Variants in TPST2 observed in about 807,000 individuals in gnomAD.
TPST2 encodes the protein tyrosylprotein sulfotransferase 2, also known as protein-tyrosine sulfotransferase 2.
In TPST2, 16 loss-of-function variants were observed where a neutral mutation model predicts 27.8. That is an observed-to-expected ratio of 0.58 (90% CI 0.39 to 0.88). TPST2 has a LOEUF of 0.88. Among genes scored for constraint, TPST2 ranks in the 40% least tolerant of loss-of-function variants. The probability of loss-of-function intolerance (pLI) is 0.00; values close to 1 mark genes in which losing one functional copy is unlikely to be tolerated. For missense variants in TPST2, 464 were observed against 543.1 expected (o/e 0.85, Z 1.45); for synonymous variants, 229 against 231.7 (o/e 0.99, Z 0.10).
At chr22:26,526,554 C>T (rs1284731350) in intron 6 of TPST2, among the ~76,000 whole-genome samples, 1 of 152,166 alleles carries the variant, frequency 6.6e-6, no homozygotes, top group African/African-American at 2.4e-5. Flanking sequence ...TTCTTGGAGG[C>T]AAGAGAAGGA....
At chr22:26,576,764 A>C (rs981692699) in intron 1 of TPST2, among the ~76,000 whole-genome samples, 11 of 152,012 alleles carry the variant, frequency 7.2e-5, no homozygotes, top group Admixed American at 3.9e-4. Context: ...TGAGACAAGG[A>C]GTTCAAGACC....
chr22:26,560,840 C>T (rs1602286267), intron 1 of TPST2: 18 of 1,576,012 alleles, frequency 1.1e-5, no homozygotes, highest in Non-Finnish European at 1.6e-5. Context: ...TCTTCCTGTT[C>T]TGCTCTGCGT....
In TPST2 at chr22:26,541,664, G is replaced by A; in HGVS notation, c.-34C>T. ...GGAGGCAGGGTAGGCCTGGCCTGAG[G>A]GCCCGCTTCTGGGGCTTCAGCGACA... is the stretch of plus-strand genomic sequence containing the variant. On this transcript the variant is annotated 5_prime_UTR_variant, in exon 3 of 7. Transcript: ENST00000338754. The surrounding 1 kb of genome is among the most constrained non-coding windows in gnomAD (Gnocchi z 5.9). 1.3e-6 allele frequency: 2 copies of A among 1,524,338 alleles called. No individual in the cohort carries two copies. Among genetic ancestry groups the A allele is most frequent in the East Asian group, 2.4e-5 (1 of 41,280 alleles). The allele number at this position is 1,524,338 out of a possible 1,614,324, so 94.4% of individuals were successfully genotyped here.
chr22:26,573,858 G>A (rs1927728120), intron 1 of TPST2, among the ~76,000 whole-genome samples: 1 of 152,194 alleles, frequency 6.6e-6, no homozygotes, highest in Non-Finnish European at 1.5e-5. Context: ...GCATTCACCT[G>A]CTCCTCTGTT....
At chr22:26,560,266 A>G (rs934820567) in intron 1 of TPST2, among the ~76,000 whole-genome samples, 3 of 152,166 alleles carry the variant, frequency 2.0e-5, no homozygotes, top group Non-Finnish European at 2.9e-5. Flanking sequence ...TCTCCTGGTT[A>G]AAGTGTGGCT....
At chr22:26,571,714 T>G (rs1257334287) in intron 1 of TPST2, among the ~76,000 whole-genome samples, 1 of 152,168 alleles carries the variant, frequency 6.6e-6, no homozygotes, top group African/African-American at 2.4e-5. Context: ...ACAATCAACC[T>G]AAACTCCTAA....
chr22:26,580,148 G>A (rs1375549487), intron 1 of TPST2, among the ~76,000 whole-genome samples: 4 of 152,104 alleles, frequency 2.6e-5, no homozygotes, highest in Non-Finnish European at 4.4e-5. Flanking sequence ...AGAGGCTGAG[G>A]CAGGAGAATT....
chr22:26,532,775 T>C, intron 4 of TPST2, 30 bp from the exon 5 acceptor site: 2 of 1,606,674 alleles, frequency 1.2e-6, no homozygotes, highest in Non-Finnish European at 1.7e-6. Context: ...ATATCACTAT[T>C]ATGAAAATGG....
rs1924801841 is a variant in TPST2, at chr22:26,525,876, G to GATTCTTTAAATGAATTCTTTAAAATGA, written c.*398_*399insTCATTTTAAAGAATTCATTTAAAGAAT. 1 of 152,314 alleles carries GATTCTTTAAATGAATTCTTTAAAATGA rather than the reference G, an allele frequency of 6.6e-6. No individual in the cohort carries two copies. The highest frequency in any genetic ancestry group is 1.5e-5 in the Non-Finnish European group (1 of 68,036). The allele number at this position is 152,314 out of a possible 1,614,324, so 9.4% of individuals were successfully genotyped here. A position where few individuals can be genotyped will look rare whatever the true frequency, so the allele number is the denominator to read the frequency against. ...GCCTCATATATTAAACTCTTAAATAGATTCTTTGAATTCAAAGTAAGGGTC... is the reference window on the plus strand; with the variant it reads ...GCCTCATATATTAAACTCTTAAATAGATTCTTTAAATGAATTCTTTAAAATGAATTCTTTGAATTCAAAGTAAGGGTC... On this transcript the variant is annotated 3_prime_UTR_variant, in exon 7 of 7. Transcript: ENST00000338754.
intron 1 of TPST2, among the ~76,000 whole-genome samples, chr22:26,569,841 CT>C (rs1233782521): frequency 6.7e-6 from 1 of 149,258 alleles, no homozygotes; most frequent in African/African-American, 2.5e-5. Context: ...ATCCCAGCTA[CT>C]CGGGAGACTG....
rs373103429 is a variant in TPST2 at position 26,544,329 on chromosome 22, G to A, written c.-89+275C>T. Reference sequence around the variant, plus strand: ...CTCCGTGACACTGGGCAAGTCCCCCGCCCACTTTGGGACTCAGCCTTCTCT... The same window carrying A: ...CTCCGTGACACTGGGCAAGTCCCCCACCCACTTTGGGACTCAGCCTTCTCT... On this transcript the variant is annotated intron_variant, in intron 2 of 6. Coordinates refer to ENST00000338754, the MANE Select transcript of TPST2 (RefSeq NM_003595.5). 1.6e-4 allele frequency among the ~76,000 whole-genome samples: 25 copies of A among 152,242 alleles called. 1 individual carries two copies. The East Asian group carries it at 1.9e-3, about 12-fold the overall frequency.
chr22:26,570,025 AAGAAAGAAAG>A (rs1569193892), intron 1 of TPST2, among the ~76,000 whole-genome samples: 6 of 125,900 alleles, frequency 4.8e-5, no homozygotes, highest in African/African-American at 2.0e-4. Flanking sequence ...GAAAGAAAGA[AAGAAAGAAAG>A]AAAGAAAGAC....
At chr22:26,534,002 T>C (rs1207116129) in intron 4 of TPST2, among the ~76,000 whole-genome samples, 2 of 152,162 alleles carry the variant, frequency 1.3e-5, no homozygotes, top group African/African-American at 4.8e-5. Context: ...TTTCAATATG[T>C]AATTTATATA....
intron 1 of TPST2, among the ~76,000 whole-genome samples, chr22:26,584,878 G>C (rs1928279567): frequency 1.3e-5 from 2 of 152,186 alleles, no homozygotes. Context: ...AAGCCCTGTT[G>C]ATATTGGCTG....
intron 1 of TPST2, among the ~76,000 whole-genome samples, chr22:26,553,464 C>T (rs1306560023): frequency 6.6e-6 from 1 of 151,488 alleles, no homozygotes; most frequent in Non-Finnish European, 1.5e-5. Context: ...CTTGAAACTC[C>T]TGGTCTCAAA....
At chr22:26,534,613 C>T (rs1188876972) in intron 4 of TPST2, among the ~76,000 whole-genome samples, 1 of 152,216 alleles carries the variant, frequency 6.6e-6, no homozygotes, top group Non-Finnish European at 1.5e-5. Context: ...CCAGAGGAGC[C>T]ACTGCTGGGC....
At chr22:26,571,925 G>A (rs1367872586) in intron 1 of TPST2, among the ~76,000 whole-genome samples, 1 of 152,092 alleles carries the variant, frequency 6.6e-6, no homozygotes, top group Non-Finnish European at 1.5e-5. Context: ...TCCGCCACCT[G>A]ATCATGCTTC....
In TPST2 at chr22:26,568,891, T is replaced by G. The variant is rs1602294385; in HGVS notation, c.-161+21162A>C. Reference sequence around the variant, plus strand: ...TTTTTTTTTTTTTTTTTGAGACGGATCTCGCTCTGTCTCCCAGGCTGGAGT... The same window carrying G: ...TTTTTTTTTTTTTTTTTGAGACGGAGCTCGCTCTGTCTCCCAGGCTGGAGT... On this transcript the variant is annotated intron_variant, in intron 1 of 6. Coordinates refer to ENST00000338754, the MANE Select transcript of TPST2 (RefSeq NM_003595.5). 4.3e-3 allele frequency among the ~76,000 whole-genome samples: 2 copies of G among 460 alleles called. 1 individual carries two copies. The highest frequency in any genetic ancestry group is 0.012 in the Non-Finnish European group (2 of 172). The allele number at this position is 460 out of a possible 152,430, so 0.3% of individuals were successfully genotyped here.
At chr22:26,528,383 G>T in intron 5 of TPST2, 121 bp from the exon 6 acceptor site, 3 of 1,219,066 alleles carry the variant, frequency 2.5e-6, no homozygotes, top group Non-Finnish European at 3.5e-6. Context: ...AGTATTTACT[G>T]TACATCTACT....
Sources: allele counts gnomAD v4.1 joint callset (sites outside exome capture counted in the v4.1 genomes callset), GRCh38; gene constraint gnomAD v4.1.1; non-coding constraint Gnocchi (gnomAD v3.1); transcripts MANE v1.5; gene names NCBI Gene and HGNC (gene_info 2026-07-23, HGNC 2026-07-21).